Variants in MTA3 observed in about 807,000 individuals in gnomAD.
MTA3 encodes the protein metastasis associated 1 family member 3.
Under a neutral mutation model 83.5 loss-of-function variants are expected in MTA3, and 34 were observed. The ratio of observed to expected loss-of-function variants is 0.41; its 90% CI spans 0.31 to 0.54. The LOEUF is 0.54. Among genes scored for constraint, MTA3 ranks in the 20% least tolerant of loss-of-function variants. The pLI, the probability that MTA3 is intolerant of heterozygous loss-of-function variation, is 0.33. For missense variants in MTA3, 761 were observed against 726.4 expected (o/e 1.05, Z -0.55); for synonymous variants, 303 against 252.7 (o/e 1.20, Z -1.89).
intron 4 of MTA3, among the ~76,000 whole-genome samples, chr2:42,636,910 C>T (rs780858226): frequency 6.6e-6 from 1 of 152,158 alleles, no homozygotes; most frequent in Non-Finnish European, 1.5e-5. Flanking sequence ...TAGGCATGAG[C>T]CACTGCGCCT....
intron 2 of MTA3, among the ~76,000 whole-genome samples, chr2:42,558,600 G>A (rs577176128): frequency 5.3e-5 from 8 of 151,144 alleles, no homozygotes; most frequent in Non-Finnish European, 1.0e-4. Flanking sequence ...CTCTCACCAG[G>A]CTGGAGTGCA....
intron 4 of MTA3, among the ~76,000 whole-genome samples, chr2:42,627,606 C>G (rs577037725): frequency 5.3e-4 from 81 of 151,652 alleles, no homozygotes; most frequent in African/African-American, 1.7e-3. Flanking sequence ...CTCTGTCTCT[C>G]AGGTTGGAGT....
In MTA3 at chr2:42,552,058, A is replaced by G. The variant is rs138743563; in HGVS notation, c.-140-18379A>G. Among the ~76,000 whole-genome samples the G allele has an allele frequency of 5.9e-4, 90 of 151,988 alleles. 1 individual carries two copies. In the East Asian group the frequency reaches 0.011, roughly 19 times the overall value. On this transcript the variant is annotated intron_variant, in intron 2 of 17. Transcript: ENST00000405592. The stretch of plus-strand genomic sequence containing the variant: ...TTTTTAATAGAGATGAGGTCTCCCT[A>G]TATTGCCCAGGCTGGTATCAAATTC...
intron 5 of MTA3, among the ~76,000 whole-genome samples, chr2:42,643,243 G>A (rs1687867321): frequency 6.6e-6 from 1 of 151,974 alleles, no homozygotes; most frequent in Non-Finnish European, 1.5e-5. Context: ...TCCTTTGCTG[G>A]GGCTTGGTAA....
chr2:42,610,110 C>T (rs913837915), intron 4 of MTA3, among the ~76,000 whole-genome samples: 11 of 151,344 alleles, frequency 7.3e-5, no homozygotes, highest in East Asian at 3.9e-4. Flanking sequence ...TAAAAACAAA[C>T]GAAAAAAAAC....
chr2:42,724,330 A>G (rs1348896873), intron 16 of MTA3, among the ~76,000 whole-genome samples: 1 of 148,196 alleles, frequency 6.7e-6, no homozygotes, highest in Non-Finnish European at 1.5e-5. Context: ...ACACACACAC[A>G]CGTATATATT....
intron 2 of MTA3, among the ~76,000 whole-genome samples, chr2:42,561,186 T>G (rs1346052372): frequency 6.6e-6 from 1 of 152,164 alleles, no homozygotes; most frequent in Non-Finnish European, 1.5e-5. Flanking sequence ...CTCTATTTCA[T>G]TATTTTAGTT....
chr2:42,704,407 G>A (rs984966210), intron 12 of MTA3, 89 bp downstream of exon 12: 6 of 1,492,904 alleles, frequency 4.0e-6, no homozygotes, highest in Non-Finnish European at 4.5e-6. Context: ...AGGTCAGTAC[G>A]GTGCACCTTG....
intron 2 of MTA3, among the ~76,000 whole-genome samples, chr2:42,527,680 T>C (rs1302877589): frequency 6.6e-6 from 1 of 152,040 alleles, no homozygotes; most frequent in African/African-American, 2.4e-5. Context: ...TATTAGGTGC[T>C]GATGAATGGC....
chr2:42,535,362 G>A (rs1480480712), intron 2 of MTA3, among the ~76,000 whole-genome samples: 2 of 152,104 alleles, frequency 1.3e-5, no homozygotes, highest in Non-Finnish European at 2.9e-5. Flanking sequence ...ACTCCAGCCT[G>A]GGCAACAGAG....
intron 1 of MTA3, chr2:42,569,322 A>C (rs1387020906): frequency 2.0e-5 from 3 of 152,256 alleles, no homozygotes; most frequent in African/African-American, 7.2e-5. Context: ...GTCCCCCACG[A>C]ATGGGGCTTC....
intron 4 of MTA3, among the ~76,000 whole-genome samples, chr2:42,635,156 G>A (rs914223384): frequency 2.6e-5 from 4 of 151,980 alleles, no homozygotes; most frequent in East Asian, 3.9e-4. Flanking sequence ...TGTTTTATGC[G>A]GTTGCTGTTG....
At chr2:42,748,574 C>A (rs1011865658) in intron 16 of MTA3, among the ~76,000 whole-genome samples, 1 of 152,120 alleles carries the variant, frequency 6.6e-6, no homozygotes, top group Admixed American at 6.6e-5. Context: ...AAATTGCCCA[C>A]CTTGTCACCC....
intron 2 of MTA3, among the ~76,000 whole-genome samples, chr2:42,575,981 A>G (rs1159578849): frequency 6.6e-6 from 1 of 152,186 alleles, no homozygotes; most frequent in African/African-American, 2.4e-5. Flanking sequence ...ATTTCACAAA[A>G]TGGTAGTTTG....
intron 2 of MTA3, among the ~76,000 whole-genome samples, chr2:42,557,062 T>C (rs966345575): frequency 5.3e-5 from 8 of 152,032 alleles, no homozygotes; most frequent in African/African-American, 1.9e-4. Flanking sequence ...AAAATATATA[T>C]ACCTACTTTG....
chr2:42,624,693 CTT>C (rs1430253814), intron 4 of MTA3, among the ~76,000 whole-genome samples: 2 of 152,126 alleles, frequency 1.3e-5, no homozygotes, highest in Non-Finnish European at 2.9e-5. Context: ...CTCAATCACT[CTT>C]TTAAATATTT....
chr2:42,501,394 A>G (rs1674389700), intron 2 of MTA3, among the ~76,000 whole-genome samples: 1 of 152,160 alleles, frequency 6.6e-6, no homozygotes, highest in Admixed American at 6.6e-5. Context: ...ATTCTTCTCA[A>G]TTGCCTTTAG....
intron 6 of MTA3, among the ~76,000 whole-genome samples, chr2:42,653,267 T>G (rs1414944936): frequency 1.3e-5 from 2 of 152,164 alleles, no homozygotes; most frequent in African/African-American, 4.8e-5. Flanking sequence ...TTGAGCAGAT[T>G]GGAATTGCCC....
At chr2:42,616,409 A>C (rs1684892029) in intron 4 of MTA3, among the ~76,000 whole-genome samples, 1 of 135,386 alleles carries the variant, frequency 7.4e-6, no homozygotes, top group African/African-American at 2.9e-5. Flanking sequence ...AAGATTCTTG[A>C]AGATCTCTTG....
Sources: gnomAD v4.1 joint callset for allele counts (sites outside exome capture counted in the v4.1 genomes callset) on GRCh38, gnomAD v4.1.1 for gene constraint, MANE v1.5 for transcripts, NCBI Gene and HGNC (gene_info 2026-07-23, HGNC 2026-07-21) for gene names.